PTPRT: variants seen among roughly 807,000 people sequenced by gnomAD.
PTPRT encodes receptor-type tyrosine-protein phosphatase T.
PTPRT carries 56 observed loss-of-function variants against 176.8 expected under a neutral mutation model. The ratio of observed to expected loss-of-function variants is 0.32; its 90% CI spans 0.26 to 0.40. The LOEUF is 0.40. Ranked by LOEUF, PTPRT falls within the 10% of genes least tolerant of loss-of-function variation. The pLI is 1.00. For missense variants in PTPRT, 1,540 were observed against 1,908.2 expected (o/e 0.81, Z 3.60); for synonymous variants, 783 against 739.0 (o/e 1.06, Z -0.96).
chr20:42,133,417 T>C (rs930146537), intron 18 of PTPRT, among the ~76,000 whole-genome samples: 1 of 152,196 alleles, frequency 6.6e-6, no homozygotes, highest in Non-Finnish European at 1.5e-5. Flanking sequence ...TGCATATTTC[T>C]AAGTGAAAGA....
At chr20:42,564,703 T>C (rs4563303) in intron 7 of PTPRT, among the ~76,000 whole-genome samples, 34,162 of 152,038 alleles carry the variant, frequency 0.22, 4,211 homozygotes, top group African/African-American at 0.32. Context: ...CACATGTATA[T>C]CTATGTAACA....
chr20:43,180,379 A>ACCTC (rs564416776), intron 1 of PTPRT, among the ~76,000 whole-genome samples: 1,527 of 41,486 alleles, frequency 0.037, 15 homozygotes, highest in Non-Finnish European at 0.063. Context: ...CTCTGCCCCC[A>ACCTC]CCTCCCTCCC....
At chr20:42,594,235 C>A (rs28499156) in intron 7 of PTPRT, among the ~76,000 whole-genome samples, 1 of 152,084 alleles carries the variant, frequency 6.6e-6, no homozygotes, top group African/African-American at 2.4e-5. Flanking sequence ...TGGTTGGAGA[C>A]GCTGCCTCCA....
At chr20:42,820,644 AAATT>A (rs1444779620) in intron 2 of PTPRT, among the ~76,000 whole-genome samples, 1 of 152,080 alleles carries the variant, frequency 6.6e-6, no homozygotes, top group Admixed American at 6.6e-5. Flanking sequence ...TTTTTCGAAA[AAATT>A]AACAAAATAT....
chr20:42,549,749 T>C (rs186151006), intron 7 of PTPRT, among the ~76,000 whole-genome samples: 75 of 152,246 alleles, frequency 4.9e-4, no homozygotes, highest in African/African-American at 1.8e-3. Context: ...GTGGTTTATG[T>C]GATGCACAGT....
At chr20:42,608,998 A>G (rs1214348047) in intron 7 of PTPRT, among the ~76,000 whole-genome samples, 1 of 152,078 alleles carries the variant, frequency 6.6e-6, no homozygotes, top group African/African-American at 2.4e-5. Flanking sequence ...TTGGTATAGG[A>G]TTGAGTTTGA....
chr20:42,315,967 C>T lies in PTPRT; in HGVS notation c.1895G>A (p.Arg632Gln), dbSNP rs766880457. ...SVYQLVVKEE[R>Q]LQKSRRAADI... is the part of the protein sequence containing the mutation. ...AGCTGCCCTCCGTGACTTCTGAAGTCGCTCCTCCTTGACAACCAGCTGATA... is the reference window on the plus strand; with the variant it reads ...AGCTGCCCTCCGTGACTTCTGAAGTTGCTCCTCCTTGACAACCAGCTGATA... The change falls in exon 12 of 31, where the codon CGA becomes CAA. Residue 632 changes from arginine (R) to glutamine (Q), a missense_variant. Around this residue, in one of 11 missense-constraint regions of PTPRT, gnomAD observed 81 missense variants for 89.9 expected, o/e 0.90. Transcript: ENST00000373187. The T allele has an allele frequency of 1.6e-5, 26 of 1,613,906 alleles. No homozygotes were observed. In the Admixed American group the frequency reaches 2.2e-4, roughly 13 times the overall value.
chr20:42,456,171 C>T (rs1051687670), intron 8 of PTPRT, among the ~76,000 whole-genome samples: 2 of 151,866 alleles, frequency 1.3e-5, no homozygotes, highest in African/African-American at 4.8e-5. Flanking sequence ...TGCTATTGTA[C>T]ATAATGTCTT....
intron 7 of PTPRT, among the ~76,000 whole-genome samples, chr20:42,596,445 C>A (rs1484966562): frequency 2.0e-5 from 3 of 152,188 alleles, no homozygotes; most frequent in Non-Finnish European, 2.9e-5. Flanking sequence ...ATACGGAATA[C>A]CACGGCGGTC....
chr20:42,805,735 C>T (rs1027778871), intron 2 of PTPRT, among the ~76,000 whole-genome samples: 6 of 152,118 alleles, frequency 3.9e-5, no homozygotes, highest in African/African-American at 1.2e-4. Context: ...GATTATTTCC[C>T]CAGGAAGGAT....
intron 1 of PTPRT, among the ~76,000 whole-genome samples, chr20:43,044,557 A>G (rs546769823): frequency 6.6e-6 from 1 of 152,300 alleles, no homozygotes; most frequent in East Asian, 1.9e-4. Context: ...GCCAACACAG[A>G]TGGCATGGAT....
At chr20:42,576,731 C>T (rs187253814) in intron 7 of PTPRT, among the ~76,000 whole-genome samples, 8 of 152,274 alleles carry the variant, frequency 5.3e-5, no homozygotes, top group African/African-American at 1.4e-4. Flanking sequence ...GGAACTAATA[C>T]GTTTACACAT....
chr20:42,275,796 G>A (rs898990178), intron 13 of PTPRT, among the ~76,000 whole-genome samples: 4 of 152,116 alleles, frequency 2.6e-5, no homozygotes, highest in African/African-American at 9.7e-5. Flanking sequence ...GGACCTAGAA[G>A]ACAGTCAGTG....
At chr20:42,347,847 A>G (rs57241090) in intron 11 of PTPRT, among the ~76,000 whole-genome samples, 1,883 of 152,330 alleles carry the variant, frequency 0.012, 30 homozygotes, top group African/African-American at 0.042. Context: ...TCTATTGTGC[A>G]TGGGCAAACA....
chr20:43,081,548 T>C (rs1406064934), intron 1 of PTPRT, among the ~76,000 whole-genome samples: 1 of 152,210 alleles, frequency 6.6e-6, no homozygotes, highest in African/African-American at 2.4e-5. Flanking sequence ...TCCATCTTCC[T>C]AATTTTTTCA....
chr20:42,986,279 G>T (rs1340765800), intron 1 of PTPRT, among the ~76,000 whole-genome samples: 2 of 152,204 alleles, frequency 1.3e-5, no homozygotes, highest in Non-Finnish European at 2.9e-5. Flanking sequence ...TAGGTGGGAG[G>T]GCACAGACCC....
At chr20:42,610,791 A>C (rs944814239) in intron 7 of PTPRT, among the ~76,000 whole-genome samples, 1 of 152,208 alleles carries the variant, frequency 6.6e-6, no homozygotes, top group African/African-American at 2.4e-5. Flanking sequence ...CCATCATTGT[A>C]AGTCAATTTT....
rs142819635 is a variant in PTPRT, at chr20:42,633,512, C to T, written c.1153+44354G>A. Among the ~76,000 whole-genome samples the T allele has an allele frequency of 1.5e-4, 22 of 149,498 alleles. No homozygotes were observed. In the East Asian group the frequency reaches 4.3e-3, roughly 29 times the overall value. The stretch of plus-strand genomic sequence containing the variant: ...AAATGGTTATTAGAATATGGTTTGA[C>T]AGGCCAGGAGCTATGGCTCACACCT... On this transcript the variant is annotated intron_variant, in intron 7 of 30. Transcript: ENST00000373187.
rs530398090 is a variant in PTPRT at position 42,110,283 on chromosome 20, C to T, written c.3254+50G>A. The T allele has an allele frequency of 3.1e-5, 48 of 1,537,658 alleles. No homozygotes were observed. The African/African-American group carries it at 5.3e-4, about 17-fold the overall frequency. ...GCCAGGCTGGTCTCGAACTCCTGACCTCGTGATCTGCCCGCCTCGGCCTCC... is the reference window on the plus strand; with the variant it reads ...GCCAGGCTGGTCTCGAACTCCTGACTTCGTGATCTGCCCGCCTCGGCCTCC... On this transcript the variant is annotated intron_variant, in intron 23 of 30. Transcript: ENST00000373187.
Sources: gnomAD v4.1 joint callset for allele counts (sites outside exome capture counted in the v4.1 genomes callset) on GRCh38, gnomAD v4.1.1 for gene constraint, gnomAD v4.1.1 regional missense constraint, MANE v1.5 for transcripts, NCBI Gene and HGNC (gene_info 2026-07-23, HGNC 2026-07-21) for gene names.